Variants in CEP112 observed in about 807,000 individuals in gnomAD.
CEP112 encodes centrosomal protein 112, also known as centrosomal protein of 112 kDa.
Under a neutral mutation model 153.0 loss-of-function variants are expected in CEP112, and 127 were observed. The ratio of observed to expected loss-of-function variants is 0.83; its 90% CI spans 0.72 to 0.96. The LOEUF (loss-of-function observed/expected upper bound fraction) is 0.96. Among genes scored for constraint, CEP112 ranks in the 40% least tolerant of loss-of-function variants. The probability of loss-of-function intolerance (pLI) is 0.00; values close to 1 mark genes in which losing one functional copy is unlikely to be tolerated. For synonymous variants in CEP112, 358 were observed against 374.4 expected (o/e 0.96, Z 0.51); for missense variants, 1,089 against 1,101.2 (o/e 0.99, Z 0.16).
chr17:65,655,433 TTGAC>T, intron 24 of CEP112: 2 of 1,269,180 alleles, frequency 1.6e-6, no homozygotes, highest in Admixed American at 3.4e-5. Context: ...CATTTTGTCT[TTGAC>T]TGCTGTCTTT....
At chr17:65,859,354 C>A (rs1321823524) in intron 20 of CEP112, among the ~76,000 whole-genome samples, 3 of 149,386 alleles carry the variant, frequency 2.0e-5, no homozygotes, top group South Asian at 2.1e-4. Flanking sequence ...GCAAGAGAAT[C>A]GTTTGAACCC....
At chr17:65,686,079 A>G (rs1040572425) in intron 24 of CEP112, among the ~76,000 whole-genome samples, 1 of 141,696 alleles carries the variant, frequency 7.1e-6, no homozygotes, top group Non-Finnish European at 1.5e-5. Context: ...TTAAATATCT[A>G]TTATTTGTTA....
intron 23 of CEP112, among the ~76,000 whole-genome samples, chr17:65,711,887 A>G (rs1284386708): frequency 3.3e-5 from 5 of 152,234 alleles, no homozygotes; most frequent in African/African-American, 1.2e-4. Flanking sequence ...GACTGAACAC[A>G]TAACTCCCCC....
At chr17:65,942,127 GGTGA>G (rs2061523571) in intron 18 of CEP112, among the ~76,000 whole-genome samples, 1 of 152,118 alleles carries the variant, frequency 6.6e-6, no homozygotes, top group Non-Finnish European at 1.5e-5. Flanking sequence ...TGAGTGGCAG[GGTGA>G]GTGAGCATTA....
At chr17:65,768,260 ATTT>A (rs2053120181) in intron 21 of CEP112, among the ~76,000 whole-genome samples, 1 of 152,150 alleles carries the variant, frequency 6.6e-6, no homozygotes, top group African/African-American at 2.4e-5. Context: ...GAGAAAATAT[ATTT>A]AATATTCATT....
At chr17:65,797,832 T>A (rs1004084322) in intron 21 of CEP112, among the ~76,000 whole-genome samples, 1 of 152,208 alleles carries the variant, frequency 6.6e-6, no homozygotes, top group South Asian at 2.1e-4. Flanking sequence ...TGTGAAAATC[T>A]TCTTTTGCCT....
chr17:65,875,710 G>A (rs1223025739), intron 20 of CEP112, among the ~76,000 whole-genome samples: 1 of 152,016 alleles, frequency 6.6e-6, no homozygotes, highest in Non-Finnish European at 1.5e-5. Flanking sequence ...TTCACGCAAT[G>A]AGAATATTAG....
At chr17:65,790,926 T>C (rs1416360500) in intron 21 of CEP112, among the ~76,000 whole-genome samples, 1 of 152,210 alleles carries the variant, frequency 6.6e-6, no homozygotes, top group Non-Finnish European at 1.5e-5. Flanking sequence ...GCGTTGGGGA[T>C]GTACCTGACA....
chr17:66,141,610 C>G (rs1308739328), intron 4 of CEP112, among the ~76,000 whole-genome samples: 1 of 152,148 alleles, frequency 6.6e-6, no homozygotes, highest in African/African-American at 2.4e-5. Context: ...CTACTCTCCT[C>G]TTCTATGGGT....
At chr17:66,023,126 A>G (rs1192028506) in intron 16 of CEP112, among the ~76,000 whole-genome samples, 1 of 152,180 alleles carries the variant, frequency 6.6e-6, no homozygotes, top group South Asian at 2.1e-4. Flanking sequence ...AAAAGCAAAA[A>G]GTTTAGAAAA....
intron 18 of CEP112, among the ~76,000 whole-genome samples, chr17:65,939,526 T>C (rs1422322236): frequency 1.3e-5 from 2 of 152,142 alleles, no homozygotes; most frequent in Non-Finnish European, 2.9e-5. Flanking sequence ...AACAGCATGG[T>C]ATAGGCACAA....
intron 21 of CEP112, among the ~76,000 whole-genome samples, chr17:65,756,228 A>G (rs1598481256): frequency 6.6e-6 from 1 of 151,986 alleles, no homozygotes; most frequent in Non-Finnish European, 1.5e-5. Context: ...ACATGGTGAA[A>G]CCCCATCTCT....
At chr17:65,864,295 T>C (rs1422795811) in intron 20 of CEP112, among the ~76,000 whole-genome samples, 1 of 152,208 alleles carries the variant, frequency 6.6e-6, no homozygotes, top group Non-Finnish European at 1.5e-5. Context: ...GGGTTGTCTA[T>C]GTTAATGTGC....
At chr17:65,795,011 G>A (rs1384109831) in intron 21 of CEP112, among the ~76,000 whole-genome samples, 1 of 152,244 alleles carries the variant, frequency 6.6e-6, no homozygotes, top group African/African-American at 2.4e-5. Flanking sequence ...CGTGTTGAAA[G>A]AACGAATAAA....
At chr17:66,000,712 G>T (rs2145387517) in intron 17 of CEP112, among the ~76,000 whole-genome samples, 1 of 152,298 alleles carries the variant, frequency 6.6e-6, no homozygotes, top group South Asian at 2.1e-4. Context: ...GTATTGGGAA[G>T]AGGAGGGAGG....
At chr17:66,053,941 A>C (rs1448237597) in intron 11 of CEP112, 62 bp from the exon 12 acceptor site, 13 of 1,440,876 alleles carry the variant, frequency 9.0e-6, no homozygotes, top group Non-Finnish European at 1.2e-5. Context: ...TTTGTAATTC[A>C]GCGGAAAAAA....
At chr17:65,848,207 C>T (rs527707928) in intron 21 of CEP112, among the ~76,000 whole-genome samples, 3 of 152,308 alleles carry the variant, frequency 2.0e-5, no homozygotes, top group South Asian at 2.1e-4. Flanking sequence ...CTTTTAACAT[C>T]GTATTTTCCC....
intron 6 of CEP112, among the ~76,000 whole-genome samples, chr17:66,101,378 C>T (rs1034185364): frequency 2.8e-4 from 43 of 151,952 alleles, no homozygotes; most frequent in African/African-American, 1.0e-3. Flanking sequence ...TACTGTATCA[C>T]AAGGTCCATT....
At position 65,950,381 on chromosome 17, in the gene CEP112, T is replaced by C. The variant is rs140617248; in HGVS notation, c.1872+11082A>G. ...CCATAAACAAAGAATAGCTCTCCAC[T>C]TACTTAGATCTTTTTAACATTTCTC... On this transcript the variant is annotated intron_variant, in intron 18 of 26. Coordinates refer to ENST00000535342, the MANE Select transcript of CEP112 (RefSeq NM_001199165.4). Among the ~76,000 whole-genome samples the C allele has an allele frequency of 7.7e-4, 118 of 152,280 alleles. 1 individual carries two copies. Among genetic ancestry groups the C allele is most frequent in the African/African-American group, 2.7e-3 (112 of 41,574 alleles).
Sources: gnomAD v4.1 joint callset for allele counts (sites outside exome capture counted in the v4.1 genomes callset) on GRCh38, gnomAD v4.1.1 for gene constraint, MANE v1.5 for transcripts, NCBI Gene and HGNC (gene_info 2026-07-23, HGNC 2026-07-21) for gene names.